The following KIF26B variants were observed in gnomAD, a reference collection of about 807,000 sequenced individuals.
The protein encoded by KIF26B is kinesin-like protein KIF26B.
In KIF26B, 63 loss-of-function variants were observed where a neutral mutation model predicts 151.2. The observed-to-expected ratio is 0.42, with a 90% CI of 0.34 to 0.51. The LOEUF is 0.51. KIF26B is among the 20% of genes least tolerant of loss of function. The pLI is 0.07. For missense variants in KIF26B, 2,813 were observed against 2,913.6 expected (o/e 0.97, Z 0.79); for synonymous variants, 1,357 against 1,262.1 (o/e 1.08, Z -1.59).
At chr1:245,683,958 G>C (rs1409780888) in intron 10 of KIF26B, among the ~76,000 whole-genome samples, 1 of 152,206 alleles carries the variant, frequency 6.6e-6, no homozygotes, top group Non-Finnish European at 1.5e-5. Flanking sequence ...TAATGTCACA[G>C]ACACACACGC....
intron 2 of KIF26B, among the ~76,000 whole-genome samples, chr1:245,248,391 C>T (rs1670376109): frequency 6.6e-6 from 1 of 152,190 alleles, no homozygotes; most frequent in African/African-American, 2.4e-5. Flanking sequence ...CACACTCCTC[C>T]AGAGTTGCAT....
chr1:245,209,031 C>A (rs7415585), intron 2 of KIF26B, among the ~76,000 whole-genome samples: 5,135 of 152,246 alleles, frequency 0.034, 302 homozygotes, highest in African/African-American at 0.12. Flanking sequence ...GACTGTAAGT[C>A]CCTTGAGGTC....
chr1:245,279,755 T>C (rs978747828), intron 2 of KIF26B, among the ~76,000 whole-genome samples: 21 of 152,082 alleles, frequency 1.4e-4, no homozygotes, highest in Non-Finnish European at 2.9e-4. Flanking sequence ...TTTTTTTTTT[T>C]AGCTTGTGCT....
chr1:245,258,898 C>A (rs1320598644), intron 2 of KIF26B, among the ~76,000 whole-genome samples: 1 of 152,166 alleles, frequency 6.6e-6, no homozygotes, highest in Non-Finnish European at 1.5e-5. Context: ...CATGCGTGAG[C>A]CCTCTGCAGT....
chr1:245,600,658 T>A (rs987523397), intron 5 of KIF26B, among the ~76,000 whole-genome samples: 1 of 151,842 alleles, frequency 6.6e-6, no homozygotes, highest in Non-Finnish European at 1.5e-5. Context: ...TATCTTATCA[T>A]TTTCCAATCA....
intron 2 of KIF26B, among the ~76,000 whole-genome samples, chr1:245,246,750 C>G (rs1465977952): frequency 1.3e-5 from 2 of 152,088 alleles, no homozygotes; most frequent in Non-Finnish European, 2.9e-5. Flanking sequence ...AATCTGGGCT[C>G]TTTTCTTTGG....
intron 3 of KIF26B, among the ~76,000 whole-genome samples, chr1:245,385,190 G>A (rs1410627808): frequency 6.6e-6 from 1 of 152,090 alleles, no homozygotes; most frequent in Non-Finnish European, 1.5e-5. Context: ...AAAGAAAATG[G>A]GAACTAAAAT....
intron 4 of KIF26B, among the ~76,000 whole-genome samples, chr1:245,523,182 C>T (rs942262230): frequency 6.6e-6 from 1 of 152,148 alleles, no homozygotes; most frequent in African/African-American, 2.4e-5. Flanking sequence ...GCATCCTGTA[C>T]GCTTGACTAT....
intron 2 of KIF26B, among the ~76,000 whole-genome samples, chr1:245,290,218 G>A (rs1331403958): frequency 2.0e-5 from 3 of 152,056 alleles, no homozygotes; most frequent in Admixed American, 1.3e-4. Context: ...TGGAAGTAGT[G>A]TCTGTCTCAC....
At chr1:245,455,319 C>G (rs1340430962) in intron 4 of KIF26B, among the ~76,000 whole-genome samples, 1 of 152,118 alleles carries the variant, frequency 6.6e-6, no homozygotes, top group African/African-American at 2.4e-5. Context: ...TCCTGGCCAA[C>G]ATGGTGAAAC....
chr1:245,518,550 A>G (rs902370527), intron 4 of KIF26B, among the ~76,000 whole-genome samples: 18 of 152,188 alleles, frequency 1.2e-4, no homozygotes, highest in African/African-American at 4.1e-4. Context: ...AGTAAAAAGC[A>G]TGGGATTTTA....
chr1:245,669,510 G>C (rs952489993), intron 10 of KIF26B, among the ~76,000 whole-genome samples: 2 of 152,116 alleles, frequency 1.3e-5, no homozygotes, highest in Admixed American at 6.5e-5. Flanking sequence ...TTCACAAATG[G>C]GCAGAGGAAT....
intron 4 of KIF26B, among the ~76,000 whole-genome samples, chr1:245,437,482 A>G (rs1046629661): frequency 3.9e-5 from 6 of 152,222 alleles, no homozygotes; most frequent in African/African-American, 1.2e-4. Flanking sequence ...CCTGATTGCC[A>G]ACCATAGTCT....
chr1:245,497,568 G>A lies in KIF26B; in HGVS notation c.1167-43199G>A, dbSNP rs953229383. On this transcript the variant is annotated intron_variant, in intron 4 of 14. Transcript: ENST00000407071. ...ACAGGTTAAAGAAGAAATTTCAGTG[G>A]ATTTCAGACAATAGTTTGAAATGAA... Among the ~76,000 whole-genome samples the A allele has an allele frequency of 1.9e-4, 29 of 152,108 alleles. 1 individual carries two copies. Among genetic ancestry groups the A allele is most frequent in the South Asian group, 2.1e-4 (1 of 4,814 alleles).
At chr1:245,265,992 T>C (rs917687344) in intron 2 of KIF26B, among the ~76,000 whole-genome samples, 1 of 152,070 alleles carries the variant, frequency 6.6e-6, no homozygotes, top group African/African-American at 2.4e-5. Context: ...ACAAAGAATA[T>C]CAGTTTATCA....
Position 245,688,770 on chromosome 1 carries a change from C to T in KIF26B, c.5787C>T (p.Cys1929=), listed in dbSNP as rs2044578927. Reference sequence around the variant, plus strand: ...ACAGCAGCTCCGTGGGCGGCAGGTGCCGGAGCCTCAAGACCCCGAAGAAAC... The same window carrying T: ...ACAGCAGCTCCGTGGGCGGCAGGTGTCGGAGCCTCAAGACCCCGAAGAAAC... ...SENSSSVGGR[C]RSLKTPKKRS... Residue 1929 remains cysteine, a synonymous_variant, in exon 12 of 15, where the codon TGC becomes TGT. Coordinates refer to ENST00000407071, the MANE Select transcript of KIF26B (RefSeq NM_018012.4). 1.9e-6 allele frequency: 3 copies of T among 1,597,358 alleles called. No individual in the cohort carries two copies. The East Asian group carries it at 6.8e-5, about 36-fold the overall frequency.
intron 2 of KIF26B, among the ~76,000 whole-genome samples, chr1:245,187,363 G>A (rs560411750): frequency 3.9e-5 from 6 of 152,290 alleles, no homozygotes; most frequent in East Asian, 3.9e-4. Context: ...GATGGGGCAG[G>A]TTGATGAGGA....
Position 245,283,690 on chromosome 1 carries a change from A to ATT in KIF26B, c.466-83130_466-83129dup, listed in dbSNP as rs35386952. On this transcript the variant is annotated intron_variant, in intron 2 of 14. Coordinates refer to ENST00000407071, the MANE Select transcript of KIF26B (RefSeq NM_018012.4). ...CATTTACCCTCCACCAAGCTTGAGA[A>ATT]TTTTTTTTTTTTTTTGAGGCGGACT... is the stretch of plus-strand genomic sequence containing the variant. 4.8e-4 allele frequency among the ~76,000 whole-genome samples: 68 copies of ATT among 141,662 alleles called. 3 individuals are homozygous for ATT. The highest frequency in any genetic ancestry group is 6.4e-4 in the African/African-American group (24 of 37,792). The allele number at this position is 141,662 out of a possible 152,430, so 92.9% of individuals were successfully genotyped here. A position where few individuals can be genotyped will look rare whatever the true frequency, so the allele number is the denominator to read the frequency against.
In KIF26B at chr1:245,560,567, T is replaced by C. The variant is rs1482577809; in HGVS notation, c.1350+19617T>C. ...AAAAGCAAAGCGGGAACTTGGCTTTTGTGTTGCCTTCACAGAGTGTGGAGG... is the reference window on the plus strand; with the variant it reads ...AAAAGCAAAGCGGGAACTTGGCTTTCGTGTTGCCTTCACAGAGTGTGGAGG... On this transcript the variant is annotated intron_variant, in intron 5 of 14. Transcript: ENST00000407071. This position sits in a 1 kb window ranked among gnomAD's most constrained non-coding sequence, Gnocchi z 4.3. Among the ~76,000 whole-genome samples the C allele has an allele frequency of 6.6e-6, 1 of 152,188 alleles. No homozygotes were observed. The highest frequency in any genetic ancestry group is 2.4e-5 in the African/African-American group (1 of 41,446).
Sources: allele counts gnomAD v4.1 joint callset (sites outside exome capture counted in the v4.1 genomes callset), GRCh38; gene constraint gnomAD v4.1.1; non-coding constraint Gnocchi (gnomAD v3.1); transcripts MANE v1.5; gene names NCBI Gene and HGNC (gene_info 2026-07-23, HGNC 2026-07-21).